The following NT5DC3 variants were observed in gnomAD, a reference collection of about 807,000 sequenced individuals.
The protein encoded by NT5DC3 is 5'-nucleotidase domain-containing protein 3.
A neutral mutation model predicts 67.8 loss-of-function variants in NT5DC3; 42 were observed. The ratio of observed to expected loss-of-function variants is 0.62; its 90% confidence interval spans 0.48 to 0.80. The LOEUF (loss-of-function observed/expected upper bound fraction) is 0.80. NT5DC3 is among the 30% of genes least tolerant of loss of function. The probability of loss-of-function intolerance (pLI) is 0.00; values close to 1 mark genes in which losing one functional copy is unlikely to be tolerated. For missense variants in NT5DC3, 570 were observed against 696.4 expected (o/e 0.82, Z 2.04); for synonymous variants, 237 against 255.6 (o/e 0.93, Z 0.69).
the NT5DC3 span, chr12:103,763,797 C>A: frequency 1.9e-6 from 1 of 535,994 alleles, no homozygotes; most frequent in Non-Finnish European, 3.3e-6. Flanking sequence ...TTCCTGGGTT[C>A]TCTTGGGTAG....
chr12:103,794,238 C>T (rs894800870), intron 6 of NT5DC3, among the ~76,000 whole-genome samples: 2 of 152,028 alleles, frequency 1.3e-5, no homozygotes, highest in African/African-American at 4.8e-5. Flanking sequence ...CAGCCTCTGC[C>T]TCCTGGGTTC....
At chr12:103,748,609 CACACACACACA>C in the NT5DC3 span, among the ~76,000 whole-genome samples, 1 of 18,606 alleles carries the variant, frequency 5.4e-5, no homozygotes, top group African/African-American at 1.9e-4. Context: ...CACACATACA[CACACACACACA>C]CACACACACA....
intron 13 of NT5DC3, among the ~76,000 whole-genome samples, chr12:103,780,082 G>C (rs530211662): frequency 2.0e-5 from 3 of 152,202 alleles, no homozygotes; most frequent in Admixed American, 6.5e-5. Context: ...TGGCAAGGGC[G>C]GAGGAATGAC....
chr12:103,748,613 C>CAA, the NT5DC3 span, among the ~76,000 whole-genome samples: 1 of 23,162 alleles, frequency 4.3e-5, no homozygotes, highest in Non-Finnish European at 9.7e-5. Context: ...CATACACACA[C>CAA]ACACACACAC....
chr12:103,797,417 C>A (rs906787730), intron 5 of NT5DC3, among the ~76,000 whole-genome samples: 1 of 150,044 alleles, frequency 6.7e-6, no homozygotes, highest in South Asian at 2.1e-4. Context: ...TTGCAATGAG[C>A]GGAGATGGCG....
intron 2 of NT5DC3, among the ~76,000 whole-genome samples, chr12:103,809,118 C>A (rs1046887933): frequency 2.0e-5 from 3 of 152,228 alleles, no homozygotes; most frequent in Non-Finnish European, 4.4e-5. Flanking sequence ...CAATTCTGAA[C>A]CAACTCTGAG....
chr12:103,766,611 G>A, downstream of NT5DC3: 1 of 402,590 alleles, frequency 2.5e-6, no homozygotes, highest in Non-Finnish European at 4.5e-6. Context: ...GGGTAACTGT[G>A]ATCTTTCTTC....
At chr12:103,835,033 T>C (rs1048923939) in intron 1 of NT5DC3, among the ~76,000 whole-genome samples, 1 of 152,206 alleles carries the variant, frequency 6.6e-6, no homozygotes, top group African/African-American at 2.4e-5. Flanking sequence ...TGGGCCTCGC[T>C]GCTTGCCTCC....
At chr12:103,785,313 G>A (rs771004737) in intron 12 of NT5DC3, 22 bp downstream of exon 12, 14 of 1,611,724 alleles carry the variant, frequency 8.7e-6, no homozygotes, top group African/African-American at 1.3e-5. Flanking sequence ...AAAAGTGAGA[G>A]AGAAAAATAA....
At chr12:103,789,139 G>T in intron 9 of NT5DC3, 1 of 509,022 alleles carries the variant, frequency 2.0e-6, no homozygotes, top group Non-Finnish European at 3.5e-6. Context: ...AAGAATTCCA[G>T]GGGGCTGGGC....
rs1195842084 is a variant in NT5DC3, at chr12:103,774,518, C to A, written c.*3311G>T. ...CCAACATGGTGAAACCCCGTCTCTA[C>A]TAAAAATACAAAAAAATTAGCTGGA... On this transcript the variant is annotated 3_prime_UTR_variant, in exon 14 of 14. Transcript: ENST00000392876. 1 of 149,464 alleles carries A rather than the reference C, an allele frequency of 6.7e-6. No individual in the cohort carries two copies. Among genetic ancestry groups the A allele is most frequent in the African/African-American group, 2.5e-5 (1 of 40,392 alleles). 9.3% of individuals were successfully genotyped at this position (149,464 alleles called of 1,614,324 possible).
chr12:103,807,451 G>A (rs552855115), intron 2 of NT5DC3, among the ~76,000 whole-genome samples: 6 of 152,252 alleles, frequency 3.9e-5, no homozygotes, highest in Admixed American at 2.0e-4. Context: ...CAGGTTTCAC[G>A]GAGAGCCTTA....
chr12:103,818,937 C>T (rs1887379274), intron 1 of NT5DC3, among the ~76,000 whole-genome samples: 1 of 152,222 alleles, frequency 6.6e-6, no homozygotes, highest in African/African-American at 2.4e-5. Flanking sequence ...ACAGAATGAG[C>T]AAAAGCTCCA....
chr12:103,761,407 C>T, the NT5DC3 span: 23 of 1,613,292 alleles, frequency 1.4e-5, no homozygotes, highest in East Asian at 2.2e-4. Context: ...CCCCTGCCCC[C>T]GTGGTGAGTA....
At chr12:103,748,584 C>CCACACA in the NT5DC3 span, among the ~76,000 whole-genome samples, 3 of 141,850 alleles carry the variant, frequency 2.1e-5, no homozygotes, top group Non-Finnish European at 4.6e-5. Flanking sequence ...TAACTCTACA[C>CCACACA]CACACACACA....
intron 2 of NT5DC3, among the ~76,000 whole-genome samples, chr12:103,807,708 C>T (rs1485899879): frequency 2.0e-5 from 3 of 152,224 alleles, no homozygotes; most frequent in Non-Finnish European, 4.4e-5. Context: ...CAAGTCTCAT[C>T]TTGAATTGTA....
chr12:103,786,685 T>TTTTTG, intron 11 of NT5DC3, among the ~76,000 whole-genome samples: 1 of 148,654 alleles, frequency 6.7e-6, no homozygotes, highest in Non-Finnish European at 1.5e-5. Flanking sequence ...GGTTTGATTT[T>TTTTTG]TTTTTTTTTT....
At chr12:103,764,475 G>A in the NT5DC3 span, among the ~76,000 whole-genome samples, 2 of 152,162 alleles carry the variant, frequency 1.3e-5, no homozygotes, top group African/African-American at 2.4e-5. Flanking sequence ...TCAATCCAGG[G>A]GGACCCCTTG....
chr12:103,753,488 C>A, the NT5DC3 span: 1 of 1,188,720 alleles, frequency 8.4e-7, no homozygotes, highest in Non-Finnish European at 1.2e-6. Flanking sequence ...ACAATGCTAA[C>A]AGTCACCATG....
Sources: gnomAD v4.1 joint callset for allele counts (sites outside exome capture counted in the v4.1 genomes callset) on GRCh38, gnomAD v4.1.1 for gene constraint, MANE v1.5 for transcripts, NCBI Gene and HGNC (gene_info 2026-07-23, HGNC 2026-07-21) for gene names.